The following AUTS2 variants were observed in gnomAD, a reference collection of about 807,000 sequenced individuals.
AUTS2 encodes the protein autism susceptibility gene 2 protein.
AUTS2 carries 17 observed loss-of-function variants against 112.4 expected under a neutral mutation model. The observed-to-expected ratio is 0.15, with a 90% CI of 0.10 to 0.23. AUTS2 has a LOEUF of 0.23. Ranked by LOEUF, AUTS2 falls within the 10% of genes least tolerant of loss-of-function variation. The pLI is 1.00. For synonymous variants in AUTS2, 751 were observed against 702.7 expected, an observed-to-expected ratio of 1.07 and a Z score of -1.09; for missense variants, 1,510 against 1,701.6, an observed-to-expected ratio of 0.89 and a Z score of 1.98.
At chr7:70,224,821 TACA>T (rs1811681150) in intron 4 of AUTS2, among the ~76,000 whole-genome samples, 1 of 152,224 alleles carries the variant, frequency 6.6e-6, no homozygotes, top group Non-Finnish European at 1.5e-5. Context: ...TATGTTTAGA[TACA>T]CAAATACTTG....
chr7:70,140,212 C>G (rs1261903465), intron 4 of AUTS2, among the ~76,000 whole-genome samples: 1 of 152,082 alleles, frequency 6.6e-6, no homozygotes, highest in Non-Finnish European at 1.5e-5. Context: ...CCTCATAGAT[C>G]ATGTTGTGTG....
chr7:70,697,560 T>TCCG (rs66739924), intron 5 of AUTS2, among the ~76,000 whole-genome samples: 1 of 127,720 alleles, frequency 7.8e-6, no homozygotes, highest in South Asian at 2.9e-4. Context: ...ACTTCAGAAT[T>TCCG]CCCCCCCCCC....
chr7:70,389,978 G>A (rs1296163135), intron 4 of AUTS2, among the ~76,000 whole-genome samples: 2 of 152,154 alleles, frequency 1.3e-5, no homozygotes, highest in Admixed American at 6.5e-5. Flanking sequence ...GCATATTTTA[G>A]ATGGTGCTTC....
chr7:70,301,190 A>C (rs1448779138), intron 4 of AUTS2, among the ~76,000 whole-genome samples: 1 of 152,208 alleles, frequency 6.6e-6, no homozygotes, highest in African/African-American at 2.4e-5. Flanking sequence ...CATCTGTTAA[A>C]GTATGAAGGG....
intron 4 of AUTS2, among the ~76,000 whole-genome samples, chr7:70,183,383 T>C (rs1205567366): frequency 6.6e-6 from 1 of 152,190 alleles, no homozygotes; most frequent in East Asian, 1.9e-4. Context: ...GCCACTATTT[T>C]ATCATCGCTA....
chr7:70,572,715 A>G (rs879411510), intron 5 of AUTS2, among the ~76,000 whole-genome samples: 2 of 152,150 alleles, frequency 1.3e-5, no homozygotes, highest in Admixed American at 6.5e-5. Flanking sequence ...TTGGTTTTCA[A>G]TAAAGGTCAG....
intron 5 of AUTS2, among the ~76,000 whole-genome samples, chr7:70,621,719 A>G (rs1804681001): frequency 6.6e-6 from 1 of 152,126 alleles, no homozygotes; most frequent in South Asian, 2.1e-4. Context: ...AGCAAAAGCA[A>G]AGATTAAGGA....
chr7:70,767,312 T>C (rs1276723689), intron 9 of AUTS2, among the ~76,000 whole-genome samples: 1 of 152,210 alleles, frequency 6.6e-6, no homozygotes, highest in Non-Finnish European at 1.5e-5. Context: ...ATAAATTTCA[T>C]TTCAAGGAAT....
intron 2 of AUTS2, among the ~76,000 whole-genome samples, chr7:70,021,073 C>G (rs1037324688): frequency 3.3e-5 from 5 of 152,120 alleles, no homozygotes; most frequent in African/African-American, 1.2e-4. Context: ...ACCTCCGCCT[C>G]CTGGATTCAA....
rs1190673041 is a variant in AUTS2, at chr7:70,694,471, G to T, written c.691-4098G>T. On this transcript the variant is annotated intron_variant, in intron 5 of 18. Coordinates refer to ENST00000342771, the MANE Select transcript of AUTS2 (RefSeq NM_015570.4). The surrounding 1 kb of genome is among the most constrained non-coding windows in gnomAD (Gnocchi z 4.1). ...GGCTGTCGGGGAGCCCCGGGCGGCC[G>T]CCGGGGAGAAGCCGCCGCGCGCCCT... 6.7e-6 allele frequency: 1 copy of T among 149,226 alleles called. No individual in the cohort carries two copies. Among genetic ancestry groups the T allele is most frequent in the Non-Finnish European group, 1.5e-5 (1 of 67,008 alleles). The allele number at this position is 149,226 out of a possible 1,614,324, so 9.2% of individuals were successfully genotyped here. A position where few individuals can be genotyped will look rare whatever the true frequency, so the allele number is the denominator to read the frequency against.
chr7:70,613,460 G>A (rs1052915068), intron 5 of AUTS2, among the ~76,000 whole-genome samples: 1 of 152,114 alleles, frequency 6.6e-6, no homozygotes, highest in African/African-American at 2.4e-5. Context: ...TGTGTTAGGT[G>A]TGTTTTGTTA....
At chr7:69,998,638 A>C (rs1004529032) in intron 2 of AUTS2, among the ~76,000 whole-genome samples, 4 of 152,242 alleles carry the variant, frequency 2.6e-5, no homozygotes, top group African/African-American at 4.8e-5. Flanking sequence ...TGTTGTAAGT[A>C]GTATTGAAGT....
At chr7:70,249,950 CATT>C (rs1265584070) in intron 4 of AUTS2, among the ~76,000 whole-genome samples, 2 of 145,570 alleles carry the variant, frequency 1.4e-5, no homozygotes, top group African/African-American at 5.0e-5. Flanking sequence ...TTACTTAAAA[CATT>C]AATTTACTTA....
intron 5 of AUTS2, among the ~76,000 whole-genome samples, chr7:70,673,516 A>G (rs931457297): frequency 6.6e-5 from 10 of 152,094 alleles, no homozygotes; most frequent in African/African-American, 1.9e-4. Context: ...ACAGGTGTGC[A>G]CCACCACGCC....
intron 4 of AUTS2, among the ~76,000 whole-genome samples, chr7:70,404,127 C>T (rs1439847487): frequency 2.6e-5 from 4 of 152,144 alleles, no homozygotes; most frequent in African/African-American, 9.7e-5. Context: ...GTGTAAAATC[C>T]ATCATCCATC....
At chr7:70,317,481 G>A (rs1790050097) in intron 4 of AUTS2, among the ~76,000 whole-genome samples, 1 of 152,182 alleles carries the variant, frequency 6.6e-6, no homozygotes, top group Admixed American at 6.5e-5. Context: ...TTAATCTTCA[G>A]AAGAATTCAT....
rs1353006234 is a variant in AUTS2 at position 70,057,037 on chromosome 7, C to T, written c.523-61095C>T. 4.6e-5 allele frequency among the ~76,000 whole-genome samples: 7 copies of T among 152,266 alleles called. No individual in the cohort carries two copies. In the East Asian group the frequency reaches 1.4e-3, roughly 29 times the overall value. ...CGTTCCTGTTTCAAATGCCTTTGCA[C>T]ATGCATGATTTGGATTTTTTTCCAG... On this transcript the variant is annotated intron_variant, in intron 2 of 18. Coordinates refer to ENST00000342771, the MANE Select transcript of AUTS2 (RefSeq NM_015570.4).
At chr7:70,658,329 T>TC (rs1378739515) in intron 5 of AUTS2, among the ~76,000 whole-genome samples, 7 of 151,630 alleles carry the variant, frequency 4.6e-5, no homozygotes, top group East Asian at 3.9e-4. Context: ...AAAAGACCAC[T>TC]CCCCCCCAAC....
chr7:70,316,482 C>A (rs1408350523), intron 4 of AUTS2, among the ~76,000 whole-genome samples: 2 of 147,996 alleles, frequency 1.4e-5, no homozygotes, highest in South Asian at 4.3e-4. Flanking sequence ...CAGCTCACTG[C>A]AACACCCACC....
Sources: allele counts gnomAD v4.1 joint callset (sites outside exome capture counted in the v4.1 genomes callset), GRCh38; gene constraint gnomAD v4.1.1; non-coding constraint Gnocchi (gnomAD v3.1); transcripts MANE v1.5; gene names NCBI Gene and HGNC (gene_info 2026-07-23, HGNC 2026-07-21).